Variants in CATSPERT observed in about 807,000 individuals in gnomAD.
CATSPERT encodes catsper channel auxiliary subunit tau, also known as cation channel sperm-associated targeting subunit tau.
chr2:201,557,434 A>T, the CATSPERT span: 1 of 152,240 alleles, frequency 6.6e-6, no homozygotes, highest in Non-Finnish European at 1.5e-5. Context: ...CAATAGCACA[A>T]TTTTTACTAT....
the CATSPERT span, among the ~76,000 whole-genome samples, chr2:201,566,398 T>C: frequency 1.6e-5 from 2 of 125,168 alleles, no homozygotes; most frequent in African/African-American, 6.2e-5. Context: ...ATGTTCCCCA[T>C]TCTGTGTCCA....
At chr2:201,595,410 G>T in the CATSPERT span, among the ~76,000 whole-genome samples, 1 of 152,002 alleles carries the variant, frequency 6.6e-6, no homozygotes, top group East Asian at 1.9e-4. Context: ...GGATGGTCTC[G>T]ATCTCCTGAC....
chr2:201,519,964 A>G, the CATSPERT span, among the ~76,000 whole-genome samples: 2 of 152,210 alleles, frequency 1.3e-5, no homozygotes. Flanking sequence ...GAAAGCAAAG[A>G]GAGAGAAAAA....
chr2:201,545,630 A>AC, the CATSPERT span: 1 of 98,244 alleles, frequency 1.0e-5, no homozygotes, highest in Non-Finnish European at 1.7e-5. Context: ...TCCTAGAAGC[A>AC]AAAAAAAAAA....
chr2:201,565,259 C>A, the CATSPERT span, among the ~76,000 whole-genome samples: 2 of 150,608 alleles, frequency 1.3e-5, no homozygotes. Context: ...TCACTTGAGG[C>A]CAGGAGTTCG....
At chr2:201,518,383 C>T in the CATSPERT span, among the ~76,000 whole-genome samples, 1 of 152,224 alleles carries the variant, frequency 6.6e-6, no homozygotes, top group Non-Finnish European at 1.5e-5. Flanking sequence ...CGGTAACTAC[C>T]ACATTCATGA....
the CATSPERT span, among the ~76,000 whole-genome samples, chr2:201,617,592 A>C: frequency 6.6e-6 from 1 of 152,242 alleles, no homozygotes; most frequent in Non-Finnish European, 1.5e-5. Context: ...TTAGACCTAA[A>C]ACCATAAAAA....
the CATSPERT span, among the ~76,000 whole-genome samples, chr2:201,562,614 A>G: frequency 6.7e-6 from 1 of 148,166 alleles, no homozygotes; most frequent in Admixed American, 6.8e-5. Context: ...GTCAGCAGAT[A>G]AACAAGTGAA....
At chr2:201,619,055 C>T in the CATSPERT span, 3 of 1,614,148 alleles carry the variant, frequency 1.9e-6, no homozygotes, top group Non-Finnish European at 1.7e-6. Flanking sequence ...AGCGGGGTGG[C>T]GGACAGGACT....
At chr2:201,492,526 AT>A in the CATSPERT span, 1 of 1,536,132 alleles carries the variant, frequency 6.5e-7, no homozygotes. Flanking sequence ...ATGAAAAGAT[AT>A]TGAGACACTT....
chr2:201,512,670 T>G, the CATSPERT span, among the ~76,000 whole-genome samples: 2 of 152,178 alleles, frequency 1.3e-5, no homozygotes, highest in Admixed American at 6.5e-5. Flanking sequence ...GTACCAAAGT[T>G]TATTCACCAG....
chr2:201,594,978 C>T, the CATSPERT span, among the ~76,000 whole-genome samples: 1 of 152,192 alleles, frequency 6.6e-6, no homozygotes, highest in South Asian at 2.1e-4. Flanking sequence ...TCTCTCAGCT[C>T]GTCAAAGTCA....
At chr2:201,599,417 A>C in the CATSPERT span, among the ~76,000 whole-genome samples, 2 of 152,244 alleles carry the variant, frequency 1.3e-5, no homozygotes, top group East Asian at 3.9e-4. Context: ...GAAAAATATT[A>C]TCTCTCAATT....
chr2:201,601,057 A>T, the CATSPERT span, among the ~76,000 whole-genome samples: 1 of 127,770 alleles, frequency 7.8e-6, no homozygotes, highest in East Asian at 2.4e-4. Context: ...GCCATTTTTT[A>T]AAAAGTTTTA....
chr2:201,493,992 T>C, the CATSPERT span: 2 of 1,536,758 alleles, frequency 1.3e-6, no homozygotes, highest in East Asian at 4.9e-5. Context: ...CAGGAATATT[T>C]TTAATTACTT....
chr2:201,493,802 T>G, the CATSPERT span: 1 of 1,536,294 alleles, frequency 6.5e-7, no homozygotes, highest in Non-Finnish European at 8.7e-7. Flanking sequence ...GGTACTTCGC[T>G]TATTAAATGT....
At chr2:201,522,036 C>A in the CATSPERT span, among the ~76,000 whole-genome samples, 3 of 152,060 alleles carry the variant, frequency 2.0e-5, no homozygotes, top group Non-Finnish European at 2.9e-5. Flanking sequence ...AAAGGCCATA[C>A]ATGACAAACC....
the CATSPERT span, among the ~76,000 whole-genome samples, chr2:201,500,723 G>A: frequency 1.3e-3 from 192 of 152,110 alleles, 1 homozygote; most frequent in African/African-American, 4.2e-3. Context: ...CCCTGATGAC[G>A]TCATGAAACC....
At chr2:201,578,597 T>C in the CATSPERT span, among the ~76,000 whole-genome samples, 1 of 152,280 alleles carries the variant, frequency 6.6e-6, no homozygotes, top group Admixed American at 6.5e-5. Context: ...TTTATGTTTA[T>C]AAGAATGAAT....
Sources: allele counts gnomAD v4.1 joint callset (sites outside exome capture counted in the v4.1 genomes callset), GRCh38; gene constraint gnomAD v4.1.1; transcripts MANE v1.5; gene names NCBI Gene and HGNC (gene_info 2026-07-23, HGNC 2026-07-21).